Variants in CELF2 observed in about 807,000 individuals in gnomAD.
CELF2 encodes the protein CUG triplet repeat RNA-binding protein 2.
In CELF2, 8 loss-of-function variants were observed where a neutral mutation model predicts 62.6. The ratio of observed to expected loss-of-function variants is 0.13; its 90% CI spans 0.07 to 0.23. CELF2 has a LOEUF of 0.23. CELF2 is among the 10% of genes least tolerant of loss of function. The pLI, the probability that CELF2 is intolerant of heterozygous loss-of-function variation, is 1.00. For synonymous variants in CELF2, 258 were observed against 250.0 expected (o/e 1.03, Z -0.30); for missense variants, 333 against 671.0 (o/e 0.50, Z 5.56).
chr10:11,170,100 G>A (rs2068380689), intron 2 of CELF2, among the ~76,000 whole-genome samples: 1 of 151,604 alleles, frequency 6.6e-6, no homozygotes, highest in African/African-American at 2.4e-5. Flanking sequence ...TAGTAGTCTG[G>A]CATGAAGGGA....
At chr10:10,541,677 A>T in the CELF2 span, among the ~76,000 whole-genome samples, 15 of 152,196 alleles carry the variant, frequency 9.9e-5, no homozygotes, top group African/African-American at 3.6e-4. Context: ...ATGCTAATGC[A>T]TTATAATTAG....
the CELF2 span, among the ~76,000 whole-genome samples, chr10:10,507,263 T>G: frequency 6.6e-6 from 1 of 151,350 alleles, no homozygotes; most frequent in Non-Finnish European, 1.5e-5. Flanking sequence ...TCATAAAAGA[T>G]AGCATCTAAG....
At chr10:11,183,693 A>G (rs1212275344) in intron 2 of CELF2, among the ~76,000 whole-genome samples, 1 of 152,258 alleles carries the variant, frequency 6.6e-6, no homozygotes, top group Non-Finnish European at 1.5e-5. Flanking sequence ...CCTGATGGCT[A>G]ACGATGCTGA....
intron 1 of CELF2, among the ~76,000 whole-genome samples, chr10:10,854,632 TC>T (rs1230595045): frequency 6.6e-6 from 1 of 151,892 alleles, no homozygotes; most frequent in Non-Finnish European, 1.5e-5. Context: ...CAAATCCCTC[TC>T]TCCCCATTTC....
chr10:10,476,348 G>A, the CELF2 span, among the ~76,000 whole-genome samples: 81 of 152,234 alleles, frequency 5.3e-4, no homozygotes, highest in African/African-American at 1.9e-3. Flanking sequence ...AGCTAAGTTT[G>A]ATGCAGAGGC....
chr10:11,171,276 G>A (rs563344054), intron 2 of CELF2: 6 of 152,330 alleles, frequency 3.9e-5, no homozygotes, highest in East Asian at 3.9e-4. Context: ...AGTTTCACAA[G>A]AGCAGCTTTT....
chr10:11,263,589 G>A (rs1299329654), intron 5 of CELF2, among the ~76,000 whole-genome samples: 4 of 152,242 alleles, frequency 2.6e-5, no homozygotes, highest in Middle Eastern at 3.4e-3. Flanking sequence ...GAACACCACC[G>A]CACCCAGAAG....
At position 10,989,105 on chromosome 10, in the gene CELF2, G is replaced by A. The variant is rs139188623; in HGVS notation, c.89+69106G>A. On this transcript the variant is annotated intron_variant, in intron 2 of 13. Transcript: ENST00000636488. The stretch of plus-strand genomic sequence containing the variant: ...CATTAAGTCCTCGCAGAGAGAAAAT[G>A]TTAGAATTTGAGTAAATTTAGAGTT... Among the ~76,000 whole-genome samples the A allele has an allele frequency of 7.8e-4, 119 of 152,268 alleles. 2 individuals carry two copies. Among genetic ancestry groups the A allele is most frequent in the Non-Finnish European group, 1.5e-3 (100 of 67,978 alleles).
the CELF2 span, among the ~76,000 whole-genome samples, chr10:10,491,332 A>G: frequency 6.6e-6 from 1 of 152,236 alleles, no homozygotes; most frequent in Non-Finnish European, 1.5e-5. Flanking sequence ...TTGTTTGCAT[A>G]GCATATCCAT....
chr10:10,604,217 C>CA, the CELF2 span, among the ~76,000 whole-genome samples: 3 of 151,866 alleles, frequency 2.0e-5, no homozygotes, highest in Non-Finnish European at 4.4e-5. Context: ...CAGACACAAA[C>CA]AAAAAAAGAT....
chr10:11,288,844 AGTT>A (rs1323906311), intron 9 of CELF2, among the ~76,000 whole-genome samples: 1 of 152,244 alleles, frequency 6.6e-6, no homozygotes, highest in Non-Finnish European at 1.5e-5. Flanking sequence ...ACACTAGTTA[AGTT>A]GTTACCACTG....
chr10:10,798,855 G>A, intron 1 of CELF2: 1 of 398,952 alleles, frequency 2.5e-6, no homozygotes, highest in Non-Finnish European at 4.4e-6. Flanking sequence ...CCTGGTTTGA[G>A]TTCATAGCCA....
At chr10:10,798,775 T>C in exon 1 of CELF2, 1 of 398,842 alleles carries the variant, frequency 2.5e-6, no homozygotes, top group Non-Finnish European at 4.4e-6. Flanking sequence ...ATGGTTTCCT[T>C]GGTCTCTGAC....
chr10:10,790,939 C>T, the CELF2 span, among the ~76,000 whole-genome samples: 17 of 152,132 alleles, frequency 1.1e-4, no homozygotes, highest in African/African-American at 3.6e-4. Context: ...CACCCACAAA[C>T]TACAATCATC....
At chr10:10,500,080 C>T in the CELF2 span, among the ~76,000 whole-genome samples, 2 of 152,002 alleles carry the variant, frequency 1.3e-5, no homozygotes, top group African/African-American at 2.4e-5. Flanking sequence ...GTAACTACAC[C>T]CTGTATATCG....
the CELF2 span, among the ~76,000 whole-genome samples, chr10:10,701,019 C>T: frequency 2.0e-5 from 3 of 152,246 alleles, no homozygotes; most frequent in Non-Finnish European, 4.4e-5. Context: ...TGATGTCTCT[C>T]TGTGTCCCAC....
intron 1 of CELF2, among the ~76,000 whole-genome samples, chr10:11,152,743 G>C (rs1415149244): frequency 6.6e-6 from 1 of 152,164 alleles, no homozygotes; most frequent in African/African-American, 2.4e-5. Context: ...TGTGTCTTCA[G>C]AATGCATCAA....
At chr10:11,271,182 G>A (rs552911637) in intron 7 of CELF2, among the ~76,000 whole-genome samples, 1 of 152,226 alleles carries the variant, frequency 6.6e-6, no homozygotes, top group Non-Finnish European at 1.5e-5. Context: ...AGGACCTCAG[G>A]TGAAATCTCC....
intron 2 of CELF2, among the ~76,000 whole-genome samples, chr10:10,932,694 GTA>G (rs1554886894): frequency 6.7e-6 from 1 of 149,708 alleles, no homozygotes; most frequent in Non-Finnish European, 1.5e-5. Flanking sequence ...GTGTGTGTGT[GTA>G]TATATATATG....
Sources: gnomAD v4.1 joint callset for allele counts (sites outside exome capture counted in the v4.1 genomes callset) on GRCh38, gnomAD v4.1.1 for gene constraint, MANE v1.5 for transcripts, NCBI Gene and HGNC (gene_info 2026-07-23, HGNC 2026-07-21) for gene names.